ZNF532: variants seen among roughly 807,000 people sequenced by gnomAD.
ZNF532 encodes zinc finger protein 532.
Under a neutral mutation model 89.3 loss-of-function variants are expected in ZNF532, and 22 were observed. The ratio of observed to expected loss-of-function variants is 0.25; its 90% CI spans 0.18 to 0.35. The LOEUF is 0.35. ZNF532 is among the 10% of genes least tolerant of loss of function. The probability of loss-of-function intolerance (pLI) is 1.00; values close to 1 mark genes in which losing one functional copy is unlikely to be tolerated. For synonymous variants in ZNF532, 606 were observed against 649.6 expected, an observed-to-expected ratio of 0.93 and a Z score of 1.02; for missense variants, 1,132 against 1,643.4, an observed-to-expected ratio of 0.69 and a Z score of 5.38.
chr18:58,867,071 A>T (rs1191170081), intron 2 of ZNF532, among the ~76,000 whole-genome samples: 2 of 152,282 alleles, frequency 1.3e-5, no homozygotes, highest in Non-Finnish European at 1.5e-5. Flanking sequence ...TCTGATGTCA[A>T]CTAAAACTCA....
intron 4 of ZNF532, among the ~76,000 whole-genome samples, chr18:58,935,470 T>C (rs73439953): frequency 0.17 from 2,848 of 16,682 alleles, 468 homozygotes; most frequent in Middle Eastern, 0.29. Flanking sequence ...ATTTCCTCCT[T>C]CTCCCTTCTC....
upstream of ZNF532, chr18:58,863,356 G>A (rs1305427118): frequency 1.3e-5 from 2 of 148,150 alleles, no homozygotes; most frequent in Admixed American, 1.3e-4. Context: ...GCCGCCGCCG[G>A]ACTCGGGGCT....
intron 7 of ZNF532, among the ~76,000 whole-genome samples, chr18:58,968,466 T>C (rs2066138624): frequency 6.6e-6 from 1 of 152,182 alleles, no homozygotes; most frequent in South Asian, 2.1e-4. Flanking sequence ...TGCTGTCTCA[T>C]CATGGTGCTC....
chr18:58,938,416 T>C (rs1238605959), intron 4 of ZNF532, among the ~76,000 whole-genome samples: 2 of 152,214 alleles, frequency 1.3e-5, no homozygotes, highest in Non-Finnish European at 2.9e-5. Flanking sequence ...AGTTTGTCTT[T>C]GTTGGATTAT....
intron 2 of ZNF532, among the ~76,000 whole-genome samples, chr18:58,908,323 T>C (rs1309262948): frequency 6.6e-6 from 1 of 152,226 alleles, no homozygotes; most frequent in African/African-American, 2.4e-5. Flanking sequence ...GCTCTTTTTC[T>C]TCATGAAAGT....
chr18:58,964,299 G>T (rs1236546418), intron 7 of ZNF532: 1 of 152,016 alleles, frequency 6.6e-6, no homozygotes, highest in Non-Finnish European at 1.5e-5. Flanking sequence ...TTTTGGCTTA[G>T]AACTTATTTG....
intron 2 of ZNF532, among the ~76,000 whole-genome samples, chr18:58,870,911 G>A (rs1210540805): frequency 1.3e-5 from 2 of 152,178 alleles, no homozygotes; most frequent in East Asian, 3.8e-4. Context: ...AGTGAGTTCA[G>A]TTTTGGGCTC....
intron 7 of ZNF532, among the ~76,000 whole-genome samples, chr18:58,974,583 T>A (rs1301099058): frequency 6.6e-6 from 1 of 152,266 alleles, no homozygotes; most frequent in Non-Finnish European, 1.5e-5. Context: ...CTGAATTTCA[T>A]GTTTGCTTAT....
chr18:58,914,643 G>A (rs994867314), intron 2 of ZNF532, among the ~76,000 whole-genome samples: 3 of 152,210 alleles, frequency 2.0e-5, no homozygotes, highest in Admixed American at 1.3e-4. Context: ...TCACACTGCT[G>A]TACTCCAGCC....
chr18:58,951,901 G>A (rs982026513), intron 6 of ZNF532, among the ~76,000 whole-genome samples: 2 of 151,968 alleles, frequency 1.3e-5, no homozygotes, highest in South Asian at 2.1e-4. Flanking sequence ...CACCTGCCTC[G>A]GCCTCCCAAA....
chr18:58,866,068 CCGACT>C (rs967406799), intron 2 of ZNF532, among the ~76,000 whole-genome samples: 1 of 152,152 alleles, frequency 6.6e-6, no homozygotes, highest in African/African-American at 2.4e-5. Flanking sequence ...GTTTTTCACT[CCGACT>C]CAAGTGGTGG....
At chr18:58,965,382 A>G (rs1175399863) in intron 7 of ZNF532, among the ~76,000 whole-genome samples, 3 of 152,220 alleles carry the variant, frequency 2.0e-5, no homozygotes, top group African/African-American at 7.2e-5. Flanking sequence ...AGAAAGGTTC[A>G]ATAACTTACC....
chr18:58,918,218 CATCGTGAGGAA>C, intron 2 of ZNF532, 42 bp from the exon 3 acceptor site: 1 of 1,499,130 alleles, frequency 6.7e-7, no homozygotes, highest in East Asian at 2.3e-5. Context: ...GGTTTTATCT[CATCGTGAGGAA>C]ATACCAATTA....
chr18:58,922,833 C>T (rs2061224134), intron 3 of ZNF532, among the ~76,000 whole-genome samples: 1 of 152,124 alleles, frequency 6.6e-6, no homozygotes, highest in African/African-American at 2.4e-5. Flanking sequence ...TCTGAGACCT[C>T]CTTCTCTGAG....
chr18:58,983,058 G>A (rs1392430726), intron 9 of ZNF532, among the ~76,000 whole-genome samples: 1 of 152,216 alleles, frequency 6.6e-6, no homozygotes, highest in Non-Finnish European at 1.5e-5. Context: ...GCTGTAGTGA[G>A]CCGAGATCAT....
chr18:58,896,879 G>A (rs1217595974), intron 2 of ZNF532, among the ~76,000 whole-genome samples: 1 of 152,104 alleles, frequency 6.6e-6, no homozygotes, highest in Non-Finnish European at 1.5e-5. Context: ...AAGATAAATC[G>A]GCAAAATAAG....
intron 2 of ZNF532, among the ~76,000 whole-genome samples, chr18:58,880,619 C>G (rs1568226712): frequency 6.6e-6 from 1 of 152,148 alleles, no homozygotes; most frequent in Non-Finnish European, 1.5e-5. Context: ...ATAGCAAATG[C>G]TTGTTGTCTG....
At position 58,920,352 on chromosome 18, in the gene ZNF532, C is replaced by T; in HGVS notation, c.2065C>T (p.Gln689Ter). The change falls in exon 3 of 10, where the codon CAA (glutamine) becomes TAA (stop). Residue 689 changes from glutamine (Q) to a stop codon, truncating the protein, a stop_gained. Transcript: ENST00000591808. LOFTEE classifies it high-confidence loss of function. ...HLILKPVPAD[Q>*]MIVSPSSNTS... Reference sequence around the variant, plus strand: ...AATTTTAAAGCCAGTCCCAGCAGATCAAATGATAGTTTCTCCGTCAAGCAA... The same window carrying T: ...AATTTTAAAGCCAGTCCCAGCAGATTAAATGATAGTTTCTCCGTCAAGCAA... The T allele has an allele frequency of 6.2e-7, 1 of 1,613,984 alleles. No homozygotes were observed. Among genetic ancestry groups the T allele is most frequent in the Non-Finnish European group, 8.5e-7 (1 of 1,179,866 alleles).
chr18:58,960,781 A>G (rs953558481), intron 7 of ZNF532, among the ~76,000 whole-genome samples: 2 of 152,164 alleles, frequency 1.3e-5, no homozygotes, highest in Admixed American at 1.3e-4. Context: ...GCCTTGTTGG[A>G]GAGAAAGCTT....
Sources: gnomAD v4.1 joint callset for allele counts (sites outside exome capture counted in the v4.1 genomes callset) on GRCh38, gnomAD v4.1.1 for gene constraint, MANE v1.5 for transcripts, NCBI Gene and HGNC (gene_info 2026-07-23, HGNC 2026-07-21) for gene names.